VAMP3: variants seen among roughly 807,000 people sequenced by gnomAD.
VAMP3 encodes the protein vesicle associated membrane protein 3.
In VAMP3, 11 loss-of-function variants were observed where a neutral mutation model predicts 18.1. That is an observed-to-expected ratio of 0.61 (90% confidence interval 0.38 to 1.00). The LOEUF (loss-of-function observed/expected upper bound fraction) is 1.00, where lower values mean the gene tolerates loss of function less well. Ranked by LOEUF, VAMP3 falls within the 50% of genes least tolerant of loss-of-function variation. The probability of loss-of-function intolerance (pLI) is 0.01; values close to 1 mark genes in which losing one functional copy is unlikely to be tolerated. For missense variants in VAMP3, 122 were observed against 127.3 expected, an observed-to-expected ratio of 0.96 and a Z score of 0.20; for synonymous variants, 49 against 43.1, an observed-to-expected ratio of 1.14 and a Z score of -0.53.
At chr1:7,773,051 T>C (rs930431758) in intron 1 of VAMP3, 2 of 165,822 alleles carry the variant, frequency 1.2e-5, no homozygotes, top group Non-Finnish European at 2.6e-5. Flanking sequence ...ATTCTGTAAC[T>C]GTTTGTAACT....
In VAMP3 at chr1:7,780,069, A is replaced by G. The variant is rs2150367195; in HGVS notation, c.*424A>G. On this transcript the variant is annotated 3_prime_UTR_variant, in exon 5 of 5. Transcript: ENST00000054666. ...CACTACTGCCTAACACAAATCTGTG[A>G]TAACAACAGGCTGTGCCTTATTTTG... The G allele has an allele frequency of 5.9e-6, 1 of 170,650 alleles. No homozygotes were observed. Among genetic ancestry groups the G allele is most frequent in the African/African-American group, 2.4e-5 (1 of 41,808 alleles). 10.6% of individuals were successfully genotyped at this position (170,650 alleles called of 1,614,324 possible). A position where few individuals can be genotyped will look rare whatever the true frequency, so the allele number is the denominator to read the frequency against.
intron 2 of VAMP3, 98 bp from the exon 3 acceptor site, chr1:7,777,062 C>G (rs992020416): frequency 1.0e-5 from 14 of 1,391,866 alleles, no homozygotes; most frequent in Middle Eastern, 4.1e-4. Flanking sequence ...CCACCCACCT[C>G]GGCCTCCCAA....
In VAMP3 at chr1:7,779,735, T is replaced by C. The variant is rs2097056166; in HGVS notation, c.*90T>C. On this transcript the variant is annotated 3_prime_UTR_variant, in exon 5 of 5. Coordinates refer to ENST00000054666, the MANE Select transcript of VAMP3 (RefSeq NM_004781.4). ...CTATATTATCAAGCTTACCTACTGT[T>C]ATCTCTAAAATTTTTTTTGTGTTAA... 6.4e-7 allele frequency: 1 copy of C among 1,560,262 alleles called. No individual in the cohort carries two copies. The highest frequency in any genetic ancestry group is 1.4e-5 in the African/African-American group (1 of 72,388).
chr1:7,773,534 A>ATATGAATTTTAAACAAATAT, intron 2 of VAMP3, 23 bp downstream of exon 2: 1 of 1,606,170 alleles, frequency 6.2e-7, no homozygotes. Context: ...AATGTTGGAA[A>ATATGAATTTTAAACAAATAT]TATGAATTTT....
intron 1 of VAMP3, 150 bp downstream of exon 1, chr1:7,771,535 C>T (rs957385082): frequency 1.9e-6 from 2 of 1,030,734 alleles, no homozygotes; most frequent in African/African-American, 3.4e-5. Context: ...GGGCGGTGGC[C>T]CTTGGGTCGC....
chr1:7,778,726 G>C (rs915126017), intron 4 of VAMP3, among the ~76,000 whole-genome samples: 3 of 151,992 alleles, frequency 2.0e-5, no homozygotes, highest in African/African-American at 7.3e-5. Context: ...ATGTAATGTA[G>C]TGGTTAAAAG....
rs697678 is a variant in VAMP3 at position 7,779,884 on chromosome 1, C to A, written c.*239C>A. ...ATTTACGTATGGGCTGATGAAGAGGCCTTCTTAAGTTCCAGAGTGCTATAA... is the reference window on the plus strand; with the variant it reads ...ATTTACGTATGGGCTGATGAAGAGGACTTCTTAAGTTCCAGAGTGCTATAA... On this transcript the variant is annotated 3_prime_UTR_variant, in exon 5 of 5. Transcript: ENST00000054666. 6.0e-3 allele frequency: 3,176 copies of A among 529,976 alleles called. 80 individuals carry two copies. The highest frequency in any genetic ancestry group is 0.055 in the African/African-American group (2,812 of 51,360). The allele number at this position is 529,976 out of a possible 1,614,324, so 32.8% of individuals were successfully genotyped here. A position where few individuals can be genotyped will look rare whatever the true frequency, so the allele number is the denominator to read the frequency against.
chr1:7,771,602 A>C (rs778702457), intron 1 of VAMP3, among the ~76,000 whole-genome samples: 77 of 152,056 alleles, frequency 5.1e-4, no homozygotes, highest in Non-Finnish European at 9.7e-4. Flanking sequence ...GGAAGGGGCA[A>C]GGGCGGGGCG....
intron 2 of VAMP3, among the ~76,000 whole-genome samples, chr1:7,775,598 C>T (rs1219982269): frequency 6.6e-6 from 1 of 152,208 alleles, no homozygotes; most frequent in African/African-American, 2.4e-5. Flanking sequence ...ATCCACCTGC[C>T]TGGGCCTCCC....
intron 4 of VAMP3, among the ~76,000 whole-genome samples, chr1:7,779,355 T>C (rs530938659): frequency 2.0e-5 from 3 of 152,278 alleles, no homozygotes; most frequent in African/African-American, 4.8e-5. Context: ...GGTAGCCCAG[T>C]ATATGAGAAC....
Position 7,777,238 on chromosome 1 carries a change from G to C in VAMP3, c.151G>C (p.Asp51His). The change falls in exon 3 of 5, where the codon GAC becomes CAC. Residue 51 changes from aspartate (D) to histidine (H), a missense_variant. Coordinates refer to ENST00000054666, the MANE Select transcript of VAMP3 (RefSeq NM_004781.4). ...GCTCTCTGAGTTAGACGACCGTGCAGACGCACTGCAGGCAGGCGCTTCTCA... is the reference window on the plus strand; with the variant it reads ...GCTCTCTGAGTTAGACGACCGTGCACACGCACTGCAGGCAGGCGCTTCTCA... ...QKLSELDDRADALQAGASQFE... is the reference protein window; with the variant it reads ...QKLSELDDRAHALQAGASQFE... 6.2e-7 allele frequency: 1 copy of C among 1,613,920 alleles called. No individual in the cohort carries two copies. Among genetic ancestry groups the C allele is most frequent in the Non-Finnish European group, 8.5e-7 (1 of 1,179,958 alleles).
chr1:7,772,154 C>T (rs111507914), intron 1 of VAMP3, among the ~76,000 whole-genome samples: 2 of 152,332 alleles, frequency 1.3e-5, no homozygotes, highest in African/African-American at 4.8e-5. Context: ...TGTTGACTCT[C>T]TAAACCTCAC....
At chr1:7,777,970 T>G in intron 3 of VAMP3, 148 bp from the exon 4 acceptor site, 1 of 817,272 alleles carries the variant, frequency 1.2e-6, no homozygotes. Flanking sequence ...TGAGAACATT[T>G]AATTTAGGCT....
At chr1:7,771,436 T>C in intron 1 of VAMP3, 51 bp downstream of exon 1, 1 of 1,507,534 alleles carries the variant, frequency 6.6e-7, no homozygotes, top group Non-Finnish European at 8.8e-7. Context: ...AGGCGGCAGC[T>C]CGCGCTGGGA....
intron 4 of VAMP3, among the ~76,000 whole-genome samples, chr1:7,778,445 G>A (rs552166206): frequency 4.6e-5 from 7 of 152,062 alleles, no homozygotes; most frequent in African/African-American, 1.7e-4. Context: ...GAGACAGGAG[G>A]ATTGCTTGAG....
intron 3 of VAMP3, 122 bp downstream of exon 3, chr1:7,777,440 A>G: frequency 8.0e-7 from 1 of 1,244,474 alleles, no homozygotes; most frequent in Non-Finnish European, 1.1e-6. Context: ...TCCACATGGA[A>G]ATGTGGGTCC....
chr1:7,772,253 G>A (rs574575239), intron 1 of VAMP3, among the ~76,000 whole-genome samples: 1 of 152,322 alleles, frequency 6.6e-6, no homozygotes, highest in African/African-American at 2.4e-5. Flanking sequence ...CTAGCGCCAC[G>A]GCATGGTCCT....
intron 2 of VAMP3, among the ~76,000 whole-genome samples, chr1:7,774,517 T>C (rs1329881251): frequency 1.3e-5 from 2 of 152,238 alleles, no homozygotes; most frequent in African/African-American, 4.8e-5. Flanking sequence ...CAGAACTTTT[T>C]CATCACCCCA....
At chr1:7,778,230 A>G (rs1577566100) in intron 4 of VAMP3, 61 bp downstream of exon 4, 2 of 1,582,908 alleles carry the variant, frequency 1.3e-6, no homozygotes, top group Non-Finnish European at 1.7e-6. Flanking sequence ...CAGACCATTG[A>G]TTTTGTGTAC....
Sources: gnomAD v4.1 joint callset for allele counts (sites outside exome capture counted in the v4.1 genomes callset) on GRCh38, gnomAD v4.1.1 for gene constraint, MANE v1.5 for transcripts, NCBI Gene and HGNC (gene_info 2026-07-23, HGNC 2026-07-21) for gene names.